The following CADM2 variants were observed in gnomAD, a reference collection of about 807,000 sequenced individuals.
The protein encoded by CADM2 is cell adhesion molecule 2.
In CADM2, 12 loss-of-function variants were observed where a neutral mutation model predicts 49.8. The ratio of observed to expected loss-of-function variants is 0.24; its 90% CI spans 0.15 to 0.39. The LOEUF (loss-of-function observed/expected upper bound fraction) is 0.39. CADM2 is among the 10% of genes least tolerant of loss of function. The probability of loss-of-function intolerance (pLI) is 1.00; values close to 1 mark genes in which losing one functional copy is unlikely to be tolerated. For missense variants in CADM2, 378 were observed against 492.3 expected (o/e 0.77, Z 2.20); for synonymous variants, 214 against 175.4 (o/e 1.22, Z -1.74).
intron 1 of CADM2, among the ~76,000 whole-genome samples, chr3:85,104,986 T>A (rs1009725003): frequency 1.1e-4 from 17 of 152,112 alleles, no homozygotes; most frequent in Non-Finnish European, 1.8e-4. Flanking sequence ...ACGATGGGGT[T>A]TTCTAAATAT....
intron 1 of CADM2, among the ~76,000 whole-genome samples, chr3:85,346,303 T>G (rs1194767518): frequency 2.0e-5 from 3 of 152,190 alleles, no homozygotes; most frequent in Non-Finnish European, 4.4e-5. Context: ...TTATAGAAAA[T>G]GAAGTAGACA....
chr3:85,090,398 A>T (rs1043515024), intron 1 of CADM2, among the ~76,000 whole-genome samples: 1 of 152,168 alleles, frequency 6.6e-6, no homozygotes, highest in African/African-American at 2.4e-5. Context: ...TTCATAGAAA[A>T]ACACGTTTTT....
At chr3:85,183,349 A>G (rs1438878707) in intron 1 of CADM2, among the ~76,000 whole-genome samples, 5 of 152,140 alleles carry the variant, frequency 3.3e-5, no homozygotes, top group Non-Finnish European at 7.4e-5. Flanking sequence ...TGTTGTTCTT[A>G]TTTGTAATTG....
At position 85,163,811 on chromosome 3, in the gene CADM2, A is replaced by G. The variant is rs532746304; in HGVS notation, c.61+204143A>G. On this transcript the variant is annotated intron_variant, in intron 1 of 9. Coordinates refer to ENST00000383699, the MANE Select transcript of CADM2 (RefSeq NM_001167675.2). Reference sequence around the variant, plus strand: ...CATACTATTTACCCAATTAAAGTGTACAATCCATATGGTTTTTAGCATGTT... The same window carrying G: ...CATACTATTTACCCAATTAAAGTGTGCAATCCATATGGTTTTTAGCATGTT... Among the ~76,000 whole-genome samples, 66 of 152,192 alleles carry G rather than the reference A, an allele frequency of 4.3e-4. 1 individual carries two copies. The highest frequency in any genetic ancestry group is 7.4e-4 in the Non-Finnish European group (50 of 67,948).
intron 8 of CADM2, among the ~76,000 whole-genome samples, chr3:86,033,369 T>A (rs1734767884): frequency 6.6e-6 from 1 of 151,972 alleles, no homozygotes; most frequent in African/African-American, 2.4e-5. Context: ...TTTTGAATAC[T>A]TGATTTTGAT....
chr3:85,926,131 G>T (rs1719815429), intron 6 of CADM2, among the ~76,000 whole-genome samples: 2 of 127,162 alleles, frequency 1.6e-5, no homozygotes, highest in Middle Eastern at 4.3e-3. Context: ...GTGAGGCTCT[G>T]TCTCAAAAAT....
chr3:85,553,578 A>C (rs2061872578), intron 1 of CADM2, among the ~76,000 whole-genome samples: 1 of 152,194 alleles, frequency 6.6e-6, no homozygotes, highest in Non-Finnish European at 1.5e-5. Flanking sequence ...TTCTAATTAT[A>C]ATATCTTCCT....
At chr3:85,603,531 A>G (rs1345628441) in intron 1 of CADM2, among the ~76,000 whole-genome samples, 1 of 151,836 alleles carries the variant, frequency 6.6e-6, no homozygotes, top group Non-Finnish European at 1.5e-5. Context: ...GCTTGCTGTT[A>G]CTGAACTAAA....
At chr3:85,237,963 A>G (rs2042444181) in intron 1 of CADM2, among the ~76,000 whole-genome samples, 1 of 151,824 alleles carries the variant, frequency 6.6e-6, no homozygotes, top group African/African-American at 2.4e-5. Flanking sequence ...CAGCCCCATG[A>G]TTTGCTACTA....
chr3:86,037,833 A>T (rs1422694259), intron 8 of CADM2, among the ~76,000 whole-genome samples: 1 of 152,300 alleles, frequency 6.6e-6, no homozygotes, highest in Non-Finnish European at 1.5e-5. Flanking sequence ...TTTTAATTTT[A>T]ATTTTTATTT....
intron 1 of CADM2, among the ~76,000 whole-genome samples, chr3:85,321,109 TATATATA>T (rs1454193292): frequency 7.5e-4 from 29 of 38,528 alleles, no homozygotes; most frequent in Non-Finnish European, 1.0e-3. Context: ...TATATATATA[TATATATA>T]TTTTTTTTTT....
chr3:85,849,910 G>T (rs1224418547), intron 3 of CADM2, among the ~76,000 whole-genome samples: 1 of 152,094 alleles, frequency 6.6e-6, no homozygotes, highest in African/African-American at 2.4e-5. Flanking sequence ...GATTTAACAG[G>T]CAGATGTTAA....
At chr3:85,230,772 TG>T (rs1462278349) in intron 1 of CADM2, among the ~76,000 whole-genome samples, 2 of 152,176 alleles carry the variant, frequency 1.3e-5, no homozygotes, top group Non-Finnish European at 2.9e-5. Context: ...AAGAAAGAGT[TG>T]TTTTTTTGTG....
chr3:85,797,509 T>C (rs2071699703), intron 2 of CADM2, among the ~76,000 whole-genome samples: 1 of 152,100 alleles, frequency 6.6e-6, no homozygotes, highest in Non-Finnish European at 1.5e-5. Context: ...ACATGCGGTG[T>C]TTGGTTTTGT....
intron 1 of CADM2, among the ~76,000 whole-genome samples, chr3:85,180,466 G>A (rs1217606217): frequency 2.1e-5 from 3 of 140,602 alleles, no homozygotes; most frequent in Non-Finnish European, 4.5e-5. Context: ...CCGCGGTAGC[G>A]CCACTGCACT....
At position 85,794,383 on chromosome 3, in the gene CADM2, A is replaced by G. The variant is rs188957074; in HGVS notation, c.89-7664A>G. Among the ~76,000 whole-genome samples the G allele has an allele frequency of 4.3e-3, 654 of 152,258 alleles. 4 individuals are homozygous for G. The highest frequency in any genetic ancestry group is 0.011 in the Admixed American group (169 of 15,278). On this transcript the variant is annotated intron_variant, in intron 2 of 9. Coordinates refer to ENST00000383699, the MANE Select transcript of CADM2 (RefSeq NM_001167675.2). Reference sequence around the variant, plus strand: ...CACCTTTTGAGAGCTTCTATTTACTATCCAATATGGTAAACAGTGTAGCTG... The same window carrying G: ...CACCTTTTGAGAGCTTCTATTTACTGTCCAATATGGTAAACAGTGTAGCTG...
intron 8 of CADM2, among the ~76,000 whole-genome samples, chr3:86,025,029 C>T (rs535117821): frequency 4.0e-5 from 6 of 151,412 alleles, no homozygotes; most frequent in African/African-American, 1.2e-4. Context: ...CAGGCATGCA[C>T]CACTATGCCT....
rs916079983 is a variant in CADM2 at position 84,994,083 on chromosome 3, CT to C, written c.61+34423del. Among the ~76,000 whole-genome samples the C allele has an allele frequency of 2.2e-4, 34 of 151,726 alleles. No homozygotes were observed. The South Asian group carries it at 4.6e-3, about 20-fold the overall frequency. On this transcript the variant is annotated intron_variant, in intron 1 of 9. Transcript: ENST00000383699. The stretch of plus-strand genomic sequence containing the variant: ...CAGTTGTTAGGTAATTTCCAGATGC[CT>C]TTTTTTTGTGCTCAGATAATTCAAA...
chr3:86,021,714 A>C (rs1201982746), intron 8 of CADM2, among the ~76,000 whole-genome samples: 10 of 152,330 alleles, frequency 6.6e-5, no homozygotes, highest in Non-Finnish European at 1.2e-4. Context: ...AGGGTTAAAT[A>C]ATATTTGATT....
Sources: gnomAD v4.1 joint callset for allele counts (sites outside exome capture counted in the v4.1 genomes callset) on GRCh38, gnomAD v4.1.1 for gene constraint, MANE v1.5 for transcripts, NCBI Gene and HGNC (gene_info 2026-07-23, HGNC 2026-07-21) for gene names.